Variants in CHAF1B observed in about 807,000 individuals in gnomAD.
CHAF1B encodes the protein chromatin assembly factor 1 subunit B.
Under a neutral mutation model 60.7 loss-of-function variants are expected in CHAF1B, and 10 were observed. That is an observed-to-expected ratio of 0.16 (90% CI 0.10 to 0.28). The LOEUF (loss-of-function observed/expected upper bound fraction) is 0.28, where lower values mean the gene tolerates loss of function less well. Ranked by LOEUF, CHAF1B falls within the 10% of genes least tolerant of loss-of-function variation. The pLI is 1.00. For missense variants in CHAF1B, 558 were observed against 708.4 expected, an observed-to-expected ratio of 0.79 and a Z score of 2.41; for synonymous variants, 261 against 266.1, an observed-to-expected ratio of 0.98 and a Z score of 0.19.
chr21:36,403,703 C>T (rs2086211408), intron 8 of CHAF1B, among the ~76,000 whole-genome samples: 1 of 152,184 alleles, frequency 6.6e-6, no homozygotes, highest in African/African-American at 2.4e-5. Context: ...GGTTTATTGT[C>T]CCTATGTCCC....
chr21:36,398,729 CTTG>C lies in CHAF1B; in HGVS notation c.579-787_579-785del, dbSNP rs540026619. ...ATTTTTGTGCTTTCTGAAAAGAAGT[CTTG>C]TTGTCGTGTTTACTGGCATAATTGC... On this transcript the variant is annotated intron_variant, in intron 6 of 13. Coordinates refer to ENST00000314103, the MANE Select transcript of CHAF1B (RefSeq NM_005441.3). 7.0e-4 allele frequency among the ~76,000 whole-genome samples: 107 copies of C among 152,254 alleles called. 1 individual carries two copies. The highest frequency in any genetic ancestry group is 2.4e-3 in the African/African-American group (98 of 41,558).
rs1305448762 is a variant in CHAF1B at position 36,417,597 on chromosome 21, TG to T, written c.*1234del. On this transcript the variant is annotated 3_prime_UTR_variant, in exon 14 of 14. Coordinates refer to ENST00000314103, the MANE Select transcript of CHAF1B (RefSeq NM_005441.3). ...TGCCTGCCTCGGCCTCCCAAAGTGT[TG>T]GGATTACAGGTGTGAGCTACTGCAC... is the stretch of plus-strand genomic sequence containing the variant. 6.6e-6 allele frequency: 1 copy of T among 152,170 alleles called. No individual in the cohort carries two copies. The highest frequency in any genetic ancestry group is 6.6e-5 in the Admixed American group (1 of 15,254). The allele number at this position is 152,170 out of a possible 1,614,324, so 9.4% of individuals were successfully genotyped here.
At chr21:36,403,437 A>G (rs1461000190) in intron 8 of CHAF1B, among the ~76,000 whole-genome samples, 1 of 139,688 alleles carries the variant, frequency 7.2e-6, no homozygotes, top group Non-Finnish European at 1.5e-5. Context: ...AGCCTGGGCG[A>G]CAGAGTGATA....
chr21:36,413,022 A>T lies in CHAF1B; in HGVS notation c.1200A>T (p.Lys400Asn). The T allele has an allele frequency of 2.5e-6, 4 of 1,614,190 alleles. No homozygotes were observed. Among genetic ancestry groups the T allele is most frequent in the South Asian group, 1.1e-5 (1 of 91,074 alleles). The change falls in exon 12 of 14, where the codon AAA becomes AAT. Residue 400 changes from lysine (K) to asparagine (N), a missense_variant. By Grantham distance (94) the Lys-to-Asn change is moderately conservative. Around this residue, in one of 2 missense-constraint regions of CHAF1B, gnomAD observed 233 missense variants for 214.9 expected, o/e 1.08. Transcript: ENST00000314103. Reference protein sequence around the residue: ...LNMRTPDTAKKTKSQTHRGSS... With the variant: ...LNMRTPDTAKNTKSQTHRGSS... ...TGAGAACTCCTGATACAGCAAAGAA[A>T]ACCAAGAGTCAGACACATCGAGGGT...
At chr21:36,386,006 C>A in intron 1 of CHAF1B, 54 bp from the exon 2 acceptor site, 1 of 1,094,548 alleles carries the variant, frequency 9.1e-7, no homozygotes, top group Non-Finnish European at 1.3e-6. Flanking sequence ...GGCCCCTATT[C>A]AGCGCTCAAT....
intron 3 of CHAF1B, among the ~76,000 whole-genome samples, chr21:36,390,487 G>A (rs1403561760): frequency 6.6e-6 from 1 of 152,148 alleles, no homozygotes; most frequent in Non-Finnish European, 1.5e-5. Flanking sequence ...AGAATGTGGG[G>A]AGTTATTGGA....
intron 10 of CHAF1B, among the ~76,000 whole-genome samples, chr21:36,409,976 T>C (rs1046285305): frequency 6.6e-6 from 1 of 151,880 alleles, no homozygotes; most frequent in South Asian, 2.1e-4. Context: ...TCTTTTTTTT[T>C]TTTTTGAGAT....
At chr21:36,412,728 C>T in intron 11 of CHAF1B, 156 bp from the exon 12 acceptor site, 1 of 681,658 alleles carries the variant, frequency 1.5e-6, no homozygotes, top group Non-Finnish European at 2.4e-6. Flanking sequence ...GATGAAACTG[C>T]ATGAGTGAGT....
At chr21:36,415,160 T>C in intron 12 of CHAF1B, 135 bp from the exon 13 acceptor site, 1 of 613,550 alleles carries the variant, frequency 1.6e-6, no homozygotes, top group Non-Finnish European at 2.9e-6. Flanking sequence ...TCTTACTATT[T>C]AATGCCTTGA....
chr21:36,409,109 C>T lies in CHAF1B; in HGVS notation c.828-265C>T, dbSNP rs142585859. 9.2e-5 allele frequency among the ~76,000 whole-genome samples: 14 copies of T among 151,656 alleles called. No individual in the cohort carries two copies. The East Asian group carries it at 1.7e-3, about 19-fold the overall frequency. On this transcript the variant is annotated intron_variant, in intron 9 of 13. Transcript: ENST00000314103. ...ACCTCAAGTGGTCCGCTTGCCTCGG[C>T]CTCCCAAAGTGCTGGGAATACAGGC...
intron 3 of CHAF1B, among the ~76,000 whole-genome samples, chr21:36,389,984 G>A (rs960616013): frequency 6.6e-6 from 1 of 152,054 alleles, no homozygotes; most frequent in Admixed American, 6.6e-5. Flanking sequence ...AGGGCCAATG[G>A]CATGTTAACC....
At position 36,417,137 on chromosome 21, in the gene CHAF1B, T is replaced by A. The variant is rs2086325595; in HGVS notation, c.*771T>A. The A allele has an allele frequency of 6.6e-6, 1 of 151,908 alleles. No individual in the cohort carries two copies. Among genetic ancestry groups the A allele is most frequent in the Non-Finnish European group, 1.5e-5 (1 of 67,998 alleles). 9.4% of individuals were successfully genotyped at this position (151,908 alleles called of 1,614,324 possible). A position where few individuals can be genotyped will look rare whatever the true frequency, so the allele number is the denominator to read the frequency against. On this transcript the variant is annotated 3_prime_UTR_variant, in exon 14 of 14. Coordinates refer to ENST00000314103, the MANE Select transcript of CHAF1B (RefSeq NM_005441.3). ...CCCAGGCTGGAGTGCAGTGGCGCTA[T>A]CTCAGCTCACTGCAGCCTCGACCTC...
chr21:36,400,796 G>A (rs919306605), intron 7 of CHAF1B, among the ~76,000 whole-genome samples: 2 of 152,206 alleles, frequency 1.3e-5, no homozygotes, highest in African/African-American at 2.4e-5. Flanking sequence ...ATTGGCAAAT[G>A]AAAATAGGAC....
chr21:36,397,452 T>C lies in CHAF1B; in HGVS notation c.519T>C (p.Tyr173=), dbSNP rs749101775. The change falls in exon 6 of 14, where the codon TAT becomes TAC. Residue 173 remains tyrosine, a synonymous_variant. Coordinates refer to ENST00000314103, the MANE Select transcript of CHAF1B (RefSeq NM_005441.3). ...CAATTTTTAATGAACATAAAAGTTATGTCCAAGGAGTAACCTGGGACCCTT... is the reference window on the plus strand; with the variant it reads ...CAATTTTTAATGAACATAAAAGTTACGTCCAAGGAGTAACCTGGGACCCTT... The part of the protein sequence containing the change: ...KISIFNEHKS[Y]VQGVTWDPLG... 4 of 1,568,366 alleles carry C rather than the reference T, an allele frequency of 2.6e-6. No homozygotes were observed. The highest frequency in any genetic ancestry group is 1.7e-5 in the Admixed American group (1 of 57,862).
At chr21:36,390,305 C>T (rs1312721976) in intron 3 of CHAF1B, among the ~76,000 whole-genome samples, 2 of 147,480 alleles carry the variant, frequency 1.4e-5, no homozygotes, top group East Asian at 4.1e-4. Flanking sequence ...TGCACTCCAG[C>T]CTGGGCAATA....
intron 2 of CHAF1B, among the ~76,000 whole-genome samples, chr21:36,387,009 C>G (rs943381900): frequency 6.6e-6 from 1 of 152,048 alleles, no homozygotes; most frequent in Non-Finnish European, 1.5e-5. Context: ...CCACCATGCC[C>G]GGCTCTGCTT....
chr21:36,396,148 C>T (rs757167971), intron 5 of CHAF1B, among the ~76,000 whole-genome samples: 117 of 151,430 alleles, frequency 7.7e-4, no homozygotes, highest in Non-Finnish European at 1.2e-3. Flanking sequence ...TACAGGCGCC[C>T]GCCACCACTC....
chr21:36,415,421 G>A (rs769859918), intron 13 of CHAF1B, 32 bp downstream of exon 13: 3 of 1,311,470 alleles, frequency 2.3e-6, no homozygotes, highest in South Asian at 1.2e-5. Flanking sequence ...TTAATATAAT[G>A]AAAGGTAGAG....
Position 36,411,503 on chromosome 21 carries a change from T to C in CHAF1B, c.960T>C (p.Ala320=). The C allele has an allele frequency of 6.2e-7, 1 of 1,614,182 alleles. No homozygotes were observed. The highest frequency in any genetic ancestry group is 8.5e-7 in the Non-Finnish European group (1 of 1,180,032). The change falls in exon 11 of 14, where the codon GCT becomes GCC. Residue 320 remains alanine (A), a synonymous_variant. Transcript: ENST00000314103. ...GTCTGCCCTACCGCCTGGTGTTTGC[T>C]GTGGCCTCGGAGGATTCCGTGCTTC... The part of the protein sequence containing the change: ...LMSLPYRLVF[A]VASEDSVLLY...
Sources: allele counts gnomAD v4.1 joint callset (sites outside exome capture counted in the v4.1 genomes callset), GRCh38; gene constraint gnomAD v4.1.1; regional missense constraint gnomAD v4.1.1; transcripts MANE v1.5; gene names NCBI Gene and HGNC (gene_info 2026-07-23, HGNC 2026-07-21).